NRXN1: variants seen among roughly 807,000 people sequenced by gnomAD.
NRXN1 encodes neurexin-1.
Under a neutral mutation model 150.9 loss-of-function variants are expected in NRXN1, and 39 were observed. The observed-to-expected ratio is 0.26, with a 90% CI of 0.20 to 0.34. NRXN1 has a LOEUF of 0.34. NRXN1 is among the 10% of genes least tolerant of loss of function. NRXN1 has a pLI of 1.00. For synonymous variants in NRXN1, 924 were observed against 757.0 expected, an observed-to-expected ratio of 1.22 and a Z score of -3.62; for missense variants, 1,815 against 1,949.9, an observed-to-expected ratio of 0.93 and a Z score of 1.30.
intron 17 of NRXN1, among the ~76,000 whole-genome samples, chr2:50,301,343 C>A (rs187742340): frequency 1.2e-4 from 19 of 152,266 alleles, no homozygotes; most frequent in African/African-American, 3.8e-4. Flanking sequence ...ACACAGAATT[C>A]AAGCACTGAG....
At chr2:50,902,299 C>G (rs1339927519) in intron 5 of NRXN1, among the ~76,000 whole-genome samples, 1 of 148,096 alleles carries the variant, frequency 6.8e-6, no homozygotes, top group Non-Finnish European at 1.5e-5. Flanking sequence ...AAAACAGACA[C>G]AAATTAGAAA....
chr2:50,304,222 A>C (rs2074413198), intron 17 of NRXN1, among the ~76,000 whole-genome samples: 1 of 152,176 alleles, frequency 6.6e-6, no homozygotes, highest in Admixed American at 6.5e-5. Context: ...AACCCTATAA[A>C]GACAAACCCA....
At chr2:50,861,569 C>T (rs1348078304) in intron 5 of NRXN1, among the ~76,000 whole-genome samples, 2 of 152,076 alleles carry the variant, frequency 1.3e-5, no homozygotes, top group Non-Finnish European at 2.9e-5. Context: ...ATGCTGCAAT[C>T]TCTATTCTCT....
intron 22 of NRXN1, among the ~76,000 whole-genome samples, chr2:49,925,281 CAAAAAAAA>C (rs772838099): frequency 3.7e-5 from 3 of 80,992 alleles, no homozygotes; most frequent in Non-Finnish European, 7.8e-5. Context: ...CTGCCTCAAC[CAAAAAAAA>C]AAAAAAAAAG....
At chr2:50,615,735 T>A (rs1023109826) in intron 8 of NRXN1, 8 of 152,150 alleles carry the variant, frequency 5.3e-5, no homozygotes, top group African/African-American at 1.9e-4. Context: ...TGGTCTAAGG[T>A]AAATGGGCAA....
intron 5 of NRXN1, among the ~76,000 whole-genome samples, chr2:50,779,648 G>A (rs71411513): frequency 6.6e-6 from 1 of 151,984 alleles, no homozygotes; most frequent in African/African-American, 2.4e-5. Context: ...GGTGCCTGTA[G>A]TCCCAGCTAC....
chr2:50,596,704 C>T (rs930104332), intron 8 of NRXN1, among the ~76,000 whole-genome samples: 2 of 152,064 alleles, frequency 1.3e-5, no homozygotes, highest in Non-Finnish European at 2.9e-5. Context: ...GCCCGTTCTC[C>T]CTTGGAGAAG....
At chr2:50,973,051 T>C (rs1695264767) in intron 2 of NRXN1, among the ~76,000 whole-genome samples, 1 of 152,220 alleles carries the variant, frequency 6.6e-6, no homozygotes, top group African/African-American at 2.4e-5. Context: ...TCATGGTGTC[T>C]TCCGTGTCTG....
At chr2:50,663,204 T>C (rs1054436336) in intron 5 of NRXN1, among the ~76,000 whole-genome samples, 3 of 152,052 alleles carry the variant, frequency 2.0e-5, no homozygotes, top group Non-Finnish European at 4.4e-5. Flanking sequence ...ATCCACATAC[T>C]ATACATATTT....
chr2:50,684,100 C>G (rs760405189), intron 5 of NRXN1, among the ~76,000 whole-genome samples: 6 of 152,102 alleles, frequency 3.9e-5, no homozygotes, highest in Non-Finnish European at 7.4e-5. Context: ...AACTACAATA[C>G]AGTATACTAA....
chr2:50,242,254 T>A (rs892702120), intron 17 of NRXN1, among the ~76,000 whole-genome samples: 1 of 151,764 alleles, frequency 6.6e-6, no homozygotes, highest in Non-Finnish European at 1.5e-5. Flanking sequence ...TAATTTGAAA[T>A]TTTCTGGAGA....
At chr2:50,456,399 G>C (rs770510870) in intron 17 of NRXN1, among the ~76,000 whole-genome samples, 3 of 152,004 alleles carry the variant, frequency 2.0e-5, no homozygotes, top group Non-Finnish European at 4.4e-5. Context: ...TATCACCTTT[G>C]TGCTTTATGC....
intron 15 of NRXN1, among the ~76,000 whole-genome samples, chr2:50,487,495 C>T (rs1377717126): frequency 1.3e-5 from 2 of 152,116 alleles, no homozygotes; most frequent in Admixed American, 1.3e-4. Context: ...AATAAAGAGC[C>T]ACAACAGTGC....
chr2:50,495,609 C>T (rs2091556758), intron 15 of NRXN1, among the ~76,000 whole-genome samples: 1 of 152,124 alleles, frequency 6.6e-6, no homozygotes, highest in Admixed American at 6.6e-5. Flanking sequence ...ACTTAAGTAA[C>T]TTACAAATGC....
At position 50,223,729 on chromosome 2, in the gene NRXN1, C is replaced by T. The variant is rs541835516; in HGVS notation, c.3546+13060G>A. Among the ~76,000 whole-genome samples, 22 of 152,008 alleles carry T rather than the reference C, an allele frequency of 1.4e-4. 1 individual carries two copies. The South Asian group carries it at 2.7e-3, about 19-fold the overall frequency. ...AGAGCTACAAGCAATAGACAAATTCCCTTTCTCTGACCTCATTTACATGCT... is the reference window on the plus strand; with the variant it reads ...AGAGCTACAAGCAATAGACAAATTCTCTTTCTCTGACCTCATTTACATGCT... On this transcript the variant is annotated intron_variant, in intron 18 of 22. Coordinates refer to ENST00000401669, the MANE Select transcript of NRXN1 (RefSeq NM_001330078.2).
chr2:50,614,975 A>G (rs1678831907), intron 8 of NRXN1, among the ~76,000 whole-genome samples: 2 of 152,142 alleles, frequency 1.3e-5, no homozygotes, highest in Non-Finnish European at 2.9e-5. Context: ...AGATTTCATT[A>G]AGGAATCAAT....
chr2:50,751,892 T>C (rs1273760293), intron 5 of NRXN1, among the ~76,000 whole-genome samples: 1 of 151,970 alleles, frequency 6.6e-6, no homozygotes, highest in Non-Finnish European at 1.5e-5. Context: ...CAGAAAACTA[T>C]TTGAGGGTTG....
intron 8 of NRXN1, among the ~76,000 whole-genome samples, chr2:50,573,879 A>T (rs1671022550): frequency 6.6e-6 from 1 of 152,076 alleles, no homozygotes; most frequent in Non-Finnish European, 1.5e-5. Context: ...TATACAAGAG[A>T]ATGTGCCTAG....
intron 12 of NRXN1, 106 bp downstream of exon 12, chr2:50,528,519 A>G (rs1047287654): frequency 1.4e-6 from 1 of 698,368 alleles, no homozygotes; most frequent in Non-Finnish European, 2.5e-6. Context: ...AAGTGAGCTC[A>G]TGAGTTTTAT....
Sources: gnomAD v4.1 joint callset for allele counts (sites outside exome capture counted in the v4.1 genomes callset) on GRCh38, gnomAD v4.1.1 for gene constraint, MANE v1.5 for transcripts, NCBI Gene and HGNC (gene_info 2026-07-23, HGNC 2026-07-21) for gene names.